Variants in EPB41L4A observed in about 807,000 individuals in gnomAD.
EPB41L4A encodes the protein erythrocyte membrane protein band 4.1 like 4A.
Under a neutral mutation model 108.6 loss-of-function variants are expected in EPB41L4A, and 100 were observed. The ratio of observed to expected loss-of-function variants is 0.92; its 90% confidence interval spans 0.78 to 1.09. EPB41L4A has a LOEUF of 1.09. Ranked by LOEUF, EPB41L4A falls within the 50% of genes least tolerant of loss-of-function variation. EPB41L4A has a pLI of 0.00. For synonymous variants in EPB41L4A, 319 were observed against 289.0 expected (o/e 1.10, Z -1.05); for missense variants, 1,030 against 842.7 (o/e 1.22, Z -2.75).
chr5:112,321,917 GA>G (rs1755808679), intron 1 of EPB41L4A, among the ~76,000 whole-genome samples: 1 of 152,042 alleles, frequency 6.6e-6, no homozygotes, highest in Non-Finnish European at 1.5e-5. Context: ...TGTAATTTTT[GA>G]AAAAATTTCT....
At chr5:112,172,389 G>A (rs1760630493) in intron 18 of EPB41L4A, among the ~76,000 whole-genome samples, 1 of 151,912 alleles carries the variant, frequency 6.6e-6, no homozygotes. Context: ...GCATGTGCCT[G>A]TAATTCCAAC....
At chr5:112,345,794 C>T (rs879414893) in intron 1 of EPB41L4A, among the ~76,000 whole-genome samples, 100 of 147,472 alleles carry the variant, frequency 6.8e-4, no homozygotes, top group Admixed American at 2.0e-3. Flanking sequence ...CACACACACA[C>T]ACACACACAC....
At chr5:112,394,579 T>G (rs1005759719) in intron 1 of EPB41L4A, among the ~76,000 whole-genome samples, 4 of 152,136 alleles carry the variant, frequency 2.6e-5, no homozygotes, top group South Asian at 4.2e-4. Flanking sequence ...CACTGCTCAA[T>G]GAAATAAAAG....
At chr5:112,412,759 C>G (rs368707679) in intron 1 of EPB41L4A, among the ~76,000 whole-genome samples, 15 of 152,190 alleles carry the variant, frequency 9.9e-5, no homozygotes, top group African/African-American at 3.6e-4. Flanking sequence ...AGAGATAAAG[C>G]TGAACCAAAG....
intron 15 of EPB41L4A, among the ~76,000 whole-genome samples, chr5:112,198,522 A>T (rs1013467966): frequency 6.6e-6 from 1 of 152,136 alleles, no homozygotes; most frequent in Non-Finnish European, 1.5e-5. Flanking sequence ...TCTTCTCTAT[A>T]ATGTCACATC....
At chr5:112,243,246 TAC>T (rs1242155193) in intron 9 of EPB41L4A, among the ~76,000 whole-genome samples, 15 of 146,494 alleles carry the variant, frequency 1.0e-4, no homozygotes, top group African/African-American at 2.3e-4. Flanking sequence ...TATGTATATA[TAC>T]ACACACACAC....
rs779202128 is a variant in EPB41L4A at position 112,164,963 on chromosome 5, A to C, written c.*27T>G. The C allele has an allele frequency of 4.9e-5, 78 of 1,582,096 alleles. No individual in the cohort carries two copies. Among genetic ancestry groups the C allele is most frequent in the Non-Finnish European group, 6.2e-5 (72 of 1,168,044 alleles). On this transcript the variant is annotated 3_prime_UTR_variant, in exon 23 of 23. Coordinates refer to ENST00000261486, the MANE Select transcript of EPB41L4A (RefSeq NM_022140.5). ...TACCAGTGGCGCACACAACCTTCCC[A>C]CCCCTACCCTTGACCCTTCATCAGG...
Position 112,162,927 on chromosome 5 carries a change from C to G in EPB41L4A, c.*2063G>C, listed in dbSNP as rs754302072. ...CTTTTGAGACAGTTTTGGCTGCTTT[C>G]CCTCTTCAGTGCCCTGTTTTAGAAC... On this transcript the variant is annotated 3_prime_UTR_variant, in exon 23 of 23. Transcript: ENST00000261486. The G allele has an allele frequency of 3.3e-5, 5 of 152,162 alleles. No individual in the cohort carries two copies. Among genetic ancestry groups the G allele is most frequent in the Non-Finnish European group, 7.3e-5 (5 of 68,040 alleles). The allele number at this position is 152,162 out of a possible 1,614,324, so 9.4% of individuals were successfully genotyped here. A position where few individuals can be genotyped will look rare whatever the true frequency, so the allele number is the denominator to read the frequency against.
chr5:112,308,787 G>C (rs1039285086), intron 1 of EPB41L4A, among the ~76,000 whole-genome samples: 1 of 151,956 alleles, frequency 6.6e-6, no homozygotes, highest in African/African-American at 2.4e-5. Context: ...AATTACAGTG[G>C]GCACTGCCAA....
At chr5:112,251,290 C>A (rs996685014) in intron 9 of EPB41L4A, among the ~76,000 whole-genome samples, 1 of 152,108 alleles carries the variant, frequency 6.6e-6, no homozygotes, top group African/African-American at 2.4e-5. Context: ...GGGAATTTAA[C>A]CCATGGATAT....
chr5:112,287,826 C>T (rs1002133548), intron 2 of EPB41L4A, among the ~76,000 whole-genome samples: 2 of 152,066 alleles, frequency 1.3e-5, no homozygotes, highest in Admixed American at 6.5e-5. Flanking sequence ...ATGTACCAAA[C>T]GAACTGGATG....
At chr5:112,218,354 C>T (rs890153785) in intron 12 of EPB41L4A, among the ~76,000 whole-genome samples, 1 of 152,178 alleles carries the variant, frequency 6.6e-6, no homozygotes, top group African/African-American at 2.4e-5. Context: ...AGAGGTGTCA[C>T]GAGTCACTTG....
chr5:112,372,450 A>G (rs1262264154), intron 1 of EPB41L4A, among the ~76,000 whole-genome samples: 4 of 152,214 alleles, frequency 2.6e-5, no homozygotes, highest in African/African-American at 9.6e-5. Context: ...CAAATCAGGA[A>G]GGAAATAAGC....
At chr5:112,410,104 T>G (rs1451963534) in intron 1 of EPB41L4A, among the ~76,000 whole-genome samples, 1 of 152,196 alleles carries the variant, frequency 6.6e-6, no homozygotes, top group South Asian at 2.1e-4. Flanking sequence ...CTCTCCTTCA[T>G]GAGAGCTGAT....
chr5:112,211,146 C>T (rs1298178928), intron 12 of EPB41L4A, among the ~76,000 whole-genome samples: 1 of 152,116 alleles, frequency 6.6e-6, no homozygotes, highest in African/African-American at 2.4e-5. Flanking sequence ...TCCCACAGCT[C>T]CTGAGTGGTG....
chr5:112,245,993 A>C (rs1054752144), intron 9 of EPB41L4A, among the ~76,000 whole-genome samples: 4 of 152,224 alleles, frequency 2.6e-5, no homozygotes, highest in African/African-American at 9.6e-5. Context: ...TGAAAGGGAT[A>C]GGGATTATAC....
intron 20 of EPB41L4A, 139 bp downstream of exon 20, chr5:112,170,162 T>C (rs1202768000): frequency 4.9e-5 from 38 of 773,908 alleles, no homozygotes; most frequent in East Asian, 2.7e-5. Context: ...CTTTTCTTCC[T>C]CTTTCGCTAC....
intron 1 of EPB41L4A, among the ~76,000 whole-genome samples, chr5:112,362,416 G>A (rs546283844): frequency 2.0e-5 from 3 of 152,056 alleles, no homozygotes; most frequent in Non-Finnish European, 4.4e-5. Flanking sequence ...GAGTAGCTGG[G>A]ATTACAGGTA....
intron 12 of EPB41L4A, among the ~76,000 whole-genome samples, chr5:112,225,356 A>C (rs1748379143): frequency 6.6e-6 from 1 of 152,188 alleles, no homozygotes; most frequent in South Asian, 2.1e-4. Context: ...ACACAGGAGA[A>C]ATTCCTAACA....
Sources: gnomAD v4.1 joint callset for allele counts (sites outside exome capture counted in the v4.1 genomes callset) on GRCh38, gnomAD v4.1.1 for gene constraint, MANE v1.5 for transcripts, NCBI Gene and HGNC (gene_info 2026-07-23, HGNC 2026-07-21) for gene names.